The following FAM107A variants were observed in gnomAD, a reference collection of about 807,000 sequenced individuals.
FAM107A encodes the protein family with sequence similarity 107 member A.
FAM107A carries 19 observed loss-of-function variants against 13.7 expected under a neutral mutation model. The observed-to-expected ratio is 1.38, with a 90% CI of 0.97 to 2.03. FAM107A has a LOEUF of 2.03. FAM107A is among the 30% of genes most tolerant of loss of function. The probability of loss-of-function intolerance (pLI) is 0.00; values close to 1 mark genes in which losing one functional copy is unlikely to be tolerated. For synonymous variants in FAM107A, 82 were observed against 74.5 expected, an observed-to-expected ratio of 1.10 and a Z score of -0.52; for missense variants, 203 against 184.4, an observed-to-expected ratio of 1.10 and a Z score of -0.58.
At position 58,626,891 on chromosome 3, in the gene FAM107A, G is replaced by A. The variant is rs1356733668; in HGVS notation, c.-70+525C>T. 5 of 1,386,122 alleles carry A rather than the reference G, an allele frequency of 3.6e-6. No individual in the cohort carries two copies. The Admixed American group carries it at 7.9e-5, about 22-fold the overall frequency. 85.9% of individuals were successfully genotyped at this position (1,386,122 alleles called of 1,614,324 possible). ...ACTGCCGGCTGAAGCTGCAGGGTAGGTGGGTCGGGGCTCCCACTTGCTAGG... is the reference window on the plus strand; with the variant it reads ...ACTGCCGGCTGAAGCTGCAGGGTAGATGGGTCGGGGCTCCCACTTGCTAGG... On this transcript the variant is annotated intron_variant, in intron 1 of 3. Coordinates refer to the FAM107A transcript ENST00000465970.
chr3:58,573,138 G>A (rs1463110335), intron 1 of FAM107A, among the ~76,000 whole-genome samples: 1 of 152,178 alleles, frequency 6.6e-6, no homozygotes, highest in Non-Finnish European at 1.5e-5. Context: ...AACCCTGAGG[G>A]ATGTGGCTGG....
At chr3:58,626,683 C>T (rs2066021067) in intron 1 of FAM107A, among the ~76,000 whole-genome samples, 1 of 152,100 alleles carries the variant, frequency 6.6e-6, no homozygotes, top group Non-Finnish European at 1.5e-5. Flanking sequence ...GAAGGGGTAC[C>T]CAGGGAGCTT....
In FAM107A at chr3:58,567,303, G is replaced by C. The variant is rs1283160438; in HGVS notation, c.232C>G (p.Gln78Glu). 2 of 1,613,256 alleles carry C rather than the reference G, an allele frequency of 1.2e-6. No individual in the cohort carries two copies. The highest frequency in any genetic ancestry group is 2.2e-5 in the South Asian group (2 of 90,896). ...TCCTCCTTCTTCTTCTTGATGAGCT[G>C]GTTCCGCCGGCGGTGCTCTAGGACA... ...QRVLEHRRRN[Q>E]LIKKKKEELE... The change falls in exon 3 of 4, where the codon CAG becomes GAG. Residue 78 changes from glutamine (Q) to glutamate (E), a missense_variant. Transcript: ENST00000360997.
rs138837414 is a variant in FAM107A at position 58,571,836 on chromosome 3, C to G, written c.-5-1971G>C. ...TTTAATAACTACTTTGGCTCCCCAG[C>G]TATTCACCTGTTCTTAGTCCCTCTG... On this transcript the variant is annotated intron_variant, in intron 1 of 3. Transcript: ENST00000360997. Among the ~76,000 whole-genome samples, 13 of 152,332 alleles carry G rather than the reference C, an allele frequency of 8.5e-5. No individual in the cohort carries two copies. In the East Asian group the frequency reaches 2.5e-3, roughly 29 times the overall value.
At chr3:58,589,342 C>G, upstream of FAM107A, 2 of 992,438 alleles carry the variant, frequency 2.0e-6, no homozygotes, top group Non-Finnish European at 3.1e-6. Context: ...GATATATTCA[C>G]AATGTATCTG....
intron 1 of FAM107A, among the ~76,000 whole-genome samples, chr3:58,598,747 G>GTT (rs1553629465): frequency 1.3e-5 from 2 of 152,114 alleles, no homozygotes; most frequent in Non-Finnish European, 2.9e-5. Context: ...TGCTGCATGT[G>GTT]TGAGTTTTGT....
At chr3:58,568,944 T>C (rs953856242) in intron 2 of FAM107A, among the ~76,000 whole-genome samples, 1 of 152,090 alleles carries the variant, frequency 6.6e-6, no homozygotes, top group Non-Finnish European at 1.5e-5. Context: ...ACCACGGCCT[T>C]CCACGGAAAA....
intron 2 of FAM107A, 33 bp from the exon 3 acceptor site, chr3:58,567,397 C>G (rs1257653372): frequency 6.3e-7 from 1 of 1,587,502 alleles, no homozygotes; most frequent in Non-Finnish European, 8.6e-7. Flanking sequence ...GTCAGGAGAC[C>G]ATCACCTTCC....
At chr3:58,584,731 C>T (rs778907870) in intron 1 of FAM107A, among the ~76,000 whole-genome samples, 1 of 152,196 alleles carries the variant, frequency 6.6e-6, no homozygotes, top group Non-Finnish European at 1.5e-5. Flanking sequence ...TCTCCATTTA[C>T]ATAGGGCATG....
chr3:58,615,898 C>CAAAAAAAAAA (rs11311985), intron 1 of FAM107A, among the ~76,000 whole-genome samples: 1 of 74,726 alleles, frequency 1.3e-5, no homozygotes, highest in Non-Finnish European at 2.5e-5. Flanking sequence ...GACCCTGTCT[C>CAAAAAAAAAA]AAAAAAAAAA....
chr3:58,575,822 G>A (rs1057248599), intron 1 of FAM107A, among the ~76,000 whole-genome samples: 5 of 152,202 alleles, frequency 3.3e-5, no homozygotes, highest in African/African-American at 9.6e-5. Context: ...TAGAGTCCAC[G>A]GGCCTGTCTG....
chr3:58,616,526 A>AACACACACACAC (rs59230021), intron 1 of FAM107A, among the ~76,000 whole-genome samples: 6 of 137,776 alleles, frequency 4.4e-5, no homozygotes, highest in Admixed American at 1.5e-4. Flanking sequence ...ATAAGAGGAG[A>AACACACACACAC]ACACACACAC....
chr3:58,616,667 A>G (rs1286137399), intron 1 of FAM107A, among the ~76,000 whole-genome samples: 2 of 152,080 alleles, frequency 1.3e-5, no homozygotes, highest in African/African-American at 4.8e-5. Flanking sequence ...AGAGAAGGGC[A>G]TGGAACAGAT....
intron 1 of FAM107A, among the ~76,000 whole-genome samples, chr3:58,585,604 C>A (rs939467939): frequency 6.6e-6 from 1 of 152,232 alleles, no homozygotes; most frequent in Non-Finnish European, 1.5e-5. Context: ...CTCCAGCGGT[C>A]GGCAGGCAGG....
intron 1 of FAM107A, chr3:58,573,480 T>G (rs6445989): frequency 0.73 from 111,107 of 152,260 alleles, 42,656 homozygotes; most frequent in East Asian, 1. Context: ...TCCCAAGGCT[T>G]CTGGGCATCC....
chr3:58,604,196 G>C lies in FAM107A; in HGVS notation c.-69-14927C>G, dbSNP rs1245705223. 7.3e-6 allele frequency among the ~76,000 whole-genome samples: 1 copy of C among 137,022 alleles called. No individual in the cohort carries two copies. Among genetic ancestry groups the C allele is most frequent in the Admixed American group, 7.2e-5 (1 of 13,950 alleles). The allele number at this position is 137,022 out of a possible 152,430, so 89.9% of individuals were successfully genotyped here. On this transcript the variant is annotated intron_variant, in intron 1 of 3. Coordinates refer to the FAM107A transcript ENST00000465970. This position sits in a 1 kb window ranked among gnomAD's most constrained non-coding sequence, Gnocchi z 4.1. ...TACTCTCGGTGGAGCTGGTTGCTAG[G>C]AGACATTTCTCAAGAAAGGTTCCTT... is the stretch of plus-strand genomic sequence containing the variant.
intron 1 of FAM107A, among the ~76,000 whole-genome samples, chr3:58,596,881 C>A (rs933111867): frequency 6.6e-6 from 1 of 152,160 alleles, no homozygotes; most frequent in Non-Finnish European, 1.5e-5. Context: ...AGGGTAAGAG[C>A]CATTCTGGCC....
At chr3:58,621,335 A>T (rs1197581483) in intron 1 of FAM107A, among the ~76,000 whole-genome samples, 1 of 151,808 alleles carries the variant, frequency 6.6e-6, no homozygotes, top group Admixed American at 6.6e-5. Flanking sequence ...TGGGGTTGTG[A>T]CCTGTGCAGC....
At chr3:58,612,679 C>T (rs1479299662) in intron 1 of FAM107A, among the ~76,000 whole-genome samples, 1 of 151,014 alleles carries the variant, frequency 6.6e-6, no homozygotes, top group East Asian at 1.9e-4. Context: ...GATTTTTCTA[C>T]AATAATAATG....
Sources: gnomAD v4.1 joint callset for allele counts (sites outside exome capture counted in the v4.1 genomes callset) on GRCh38, gnomAD v4.1.1 for gene constraint, Gnocchi (gnomAD v3.1) non-coding constraint, MANE v1.5 for transcripts, NCBI Gene and HGNC (gene_info 2026-07-23, HGNC 2026-07-21) for gene names.